The following DNAH14 variants were observed in gnomAD, a reference collection of about 807,000 sequenced individuals.
DNAH14 encodes axonemal beta dynein heavy chain 14.
DNAH14 carries 478 observed loss-of-function variants against 520.9 expected under a neutral mutation model. That is an observed-to-expected ratio of 0.92 (90% CI 0.85 to 0.99). DNAH14 has a LOEUF of 0.99. Among genes scored for constraint, DNAH14 ranks in the 50% least tolerant of loss-of-function variants. DNAH14 has a pLI of 0.00. For missense variants in DNAH14, 4,831 were observed against 5,234.5 expected, an observed-to-expected ratio of 0.92 and a Z score of 2.38; for synonymous variants, 1,581 against 1,757.2, an observed-to-expected ratio of 0.90 and a Z score of 2.51.
chr1:225,376,298 A>G (rs2150710659), intron 78 of DNAH14, among the ~76,000 whole-genome samples: 2 of 152,148 alleles, frequency 1.3e-5, no homozygotes, highest in African/African-American at 2.4e-5. Context: ...ATGGTGGATC[A>G]TGCCTGTAGT....
intron 61 of DNAH14, among the ~76,000 whole-genome samples, chr1:225,321,588 A>T (rs1261604562): frequency 6.6e-6 from 1 of 152,094 alleles, no homozygotes; most frequent in African/African-American, 2.4e-5. Flanking sequence ...GTGTGGACCT[A>T]CCCTGCCTTG....
At chr1:225,147,399 C>A in intron 31 of DNAH14, 150 bp downstream of exon 31, 2 of 734,802 alleles carry the variant, frequency 2.7e-6, no homozygotes, top group Non-Finnish European at 3.9e-6. Flanking sequence ...ATGGCAGTTA[C>A]CTTGAATGTT....
At chr1:225,044,961 T>C (rs991567451) in intron 15 of DNAH14, among the ~76,000 whole-genome samples, 2 of 62,204 alleles carry the variant, frequency 3.2e-5, no homozygotes, top group African/African-American at 6.1e-5. Flanking sequence ...CTTCTAGCTT[T>C]TAATAATGTA....
At chr1:225,173,595 A>G (rs1213431652) in intron 36 of DNAH14, among the ~76,000 whole-genome samples, 1 of 152,214 alleles carries the variant, frequency 6.6e-6, no homozygotes, top group Non-Finnish European at 1.5e-5. Flanking sequence ...GTGATCATCA[A>G]AAAGTCAGGA....
At chr1:225,181,149 G>C (rs1189525040) in intron 36 of DNAH14, among the ~76,000 whole-genome samples, 2 of 152,120 alleles carry the variant, frequency 1.3e-5, no homozygotes, top group Non-Finnish European at 2.9e-5. Context: ...TGCTATAAAG[G>C]ACCTGATTTC....
At position 225,080,735 on chromosome 1, in the gene DNAH14, G is replaced by C; in HGVS notation, c.3123G>C (p.Ser1041=). The part of the protein sequence containing the change: ...RNVSKLMHII[S]VLEKGLPKSD... ...TTTCAAAACTGATGCACATAATCTC[G>C]GTACTAGAAAAAGGTAAAAATGTGT... Residue 1041 remains serine, a synonymous_variant, in exon 19 of 86, where the codon TCG becomes TCC. Coordinates refer to ENST00000682510, the MANE Select transcript of DNAH14 (RefSeq NM_001367479.1). 6.6e-7 allele frequency: 1 copy of C among 1,514,168 alleles called. No homozygotes were observed. Among genetic ancestry groups the C allele is most frequent in the Non-Finnish European group, 8.8e-7 (1 of 1,130,354 alleles). 93.8% of individuals were successfully genotyped at this position (1,514,168 alleles called of 1,614,324 possible). A position where few individuals can be genotyped will look rare whatever the true frequency, so the allele number is the denominator to read the frequency against.
At chr1:225,086,279 C>A (rs2073784018) in intron 21 of DNAH14, among the ~76,000 whole-genome samples, 1 of 145,920 alleles carries the variant, frequency 6.9e-6, no homozygotes, top group South Asian at 2.3e-4. Context: ...ACTACAGGTG[C>A]CCGCCACGAC....
intron 23 of DNAH14, among the ~76,000 whole-genome samples, chr1:225,105,553 T>A (rs1288412781): frequency 6.6e-6 from 1 of 152,246 alleles, no homozygotes; most frequent in Non-Finnish European, 1.5e-5. Context: ...GGACTTGCTT[T>A]ATGAATCTGG....
intron 41 of DNAH14, among the ~76,000 whole-genome samples, chr1:225,226,238 C>T (rs1217484118): frequency 2.0e-5 from 3 of 152,154 alleles, no homozygotes; most frequent in Non-Finnish European, 4.4e-5. Flanking sequence ...GATTGACTTA[C>T]CCCCAGTGGG....
intron 41 of DNAH14, among the ~76,000 whole-genome samples, chr1:225,218,124 ACCAGG>A: frequency 6.6e-6 from 1 of 152,276 alleles, no homozygotes; most frequent in South Asian, 2.1e-4. Context: ...TTTGGTCATC[ACCAGG>A]CCTGCCTTAC....
intron 41 of DNAH14, among the ~76,000 whole-genome samples, chr1:225,224,696 T>G (rs952019336): frequency 1.3e-5 from 2 of 152,184 alleles, no homozygotes; most frequent in African/African-American, 4.8e-5. Flanking sequence ...CCCCCATACC[T>G]AACGCTTCTG....
intron 13 of DNAH14, 124 bp from the exon 14 acceptor site, chr1:225,043,620 A>G: frequency 1.4e-6 from 1 of 721,820 alleles, no homozygotes; most frequent in Non-Finnish European, 2.3e-6. Context: ...ATTGTGTTTC[A>G]AGTGACTTCT....
At chr1:225,205,291 G>A (rs935418334) in intron 39 of DNAH14, among the ~76,000 whole-genome samples, 1 of 152,090 alleles carries the variant, frequency 6.6e-6, no homozygotes. Flanking sequence ...AATGGCATTA[G>A]TGCCCTGAAA....
Position 224,929,693 on chromosome 1 carries a change from G to C in DNAH14, c.-176G>C, listed in dbSNP as rs753511041. 1 of 702,444 alleles carries C rather than the reference G, an allele frequency of 1.4e-6. No individual in the cohort carries two copies. Among genetic ancestry groups the C allele is most frequent in the African/African-American group, 1.7e-5 (1 of 57,394 alleles). 43.5% of individuals were successfully genotyped at this position (702,444 alleles called of 1,614,324 possible). A position where few individuals can be genotyped will look rare whatever the true frequency, so the allele number is the denominator to read the frequency against. On this transcript the variant is annotated 5_prime_UTR_variant, in exon 1 of 86. Coordinates refer to ENST00000682510, the MANE Select transcript of DNAH14 (RefSeq NM_001367479.1). ...GCTCTTGGTCAGGCGGTTACGGCCAGGAGGCGTCGGAGCCTGGCGTGGTAG... is the reference window on the plus strand; with the variant it reads ...GCTCTTGGTCAGGCGGTTACGGCCACGAGGCGTCGGAGCCTGGCGTGGTAG...
Position 225,078,865 on chromosome 1 carries a change from T to C in DNAH14, c.2425-342T>C, listed in dbSNP as rs867821423. On this transcript the variant is annotated intron_variant, in intron 17 of 85. Coordinates refer to ENST00000682510, the MANE Select transcript of DNAH14 (RefSeq NM_001367479.1). ...CTCCCTCTCTCTCTCTCTCCCTCTC[T>C]CTCTCTCTCTCTCTCTCTCTCTCTC... 3.1e-3 allele frequency among the ~76,000 whole-genome samples: 146 copies of C among 47,424 alleles called. 1 individual carries two copies. The highest frequency in any genetic ancestry group is 4.7e-3 in the Non-Finnish European group (112 of 24,004). The allele number at this position is 47,424 out of a possible 152,430, so 31.1% of individuals were successfully genotyped here. A position where few individuals can be genotyped will look rare whatever the true frequency, so the allele number is the denominator to read the frequency against.
At chr1:225,173,607 A>G (rs1036776860) in intron 36 of DNAH14, among the ~76,000 whole-genome samples, 74 of 152,244 alleles carry the variant, frequency 4.9e-4, no homozygotes, top group Non-Finnish European at 2.5e-4. Flanking sequence ...AAGTCAGGAA[A>G]CAACAGGTGC....
chr1:225,107,447 T>C (rs1173038407), intron 23 of DNAH14, among the ~76,000 whole-genome samples: 4 of 152,228 alleles, frequency 2.6e-5, no homozygotes, highest in Non-Finnish European at 4.4e-5. Flanking sequence ...CAAAAACTTA[T>C]TGATATGGCT....
At chr1:225,319,168 A>G (rs1184356662) in intron 61 of DNAH14, among the ~76,000 whole-genome samples, 2 of 152,218 alleles carry the variant, frequency 1.3e-5, no homozygotes, top group African/African-American at 4.8e-5. Flanking sequence ...AGGTGTCACT[A>G]CAGGAAGTGC....
intron 43 of DNAH14, among the ~76,000 whole-genome samples, chr1:225,241,933 C>G (rs1558132523): frequency 6.6e-6 from 1 of 152,124 alleles, no homozygotes; most frequent in East Asian, 1.9e-4. Flanking sequence ...GTAAATTTTT[C>G]TTTCTTCAGG....
Sources: gnomAD v4.1 joint callset for allele counts (sites outside exome capture counted in the v4.1 genomes callset) on GRCh38, gnomAD v4.1.1 for gene constraint, MANE v1.5 for transcripts, NCBI Gene and HGNC (gene_info 2026-07-23, HGNC 2026-07-21) for gene names.